HDAC9: variants seen among roughly 807,000 people sequenced by gnomAD.
HDAC9 encodes the protein histone deacetylase 9.
In HDAC9, 41 loss-of-function variants were observed where a neutral mutation model predicts 139.4. That is an observed-to-expected ratio of 0.29 (90% confidence interval 0.23 to 0.38). HDAC9 has a LOEUF of 0.38. Among genes scored for constraint, HDAC9 ranks in the 10% least tolerant of loss-of-function variants. The pLI, the probability that HDAC9 is intolerant of heterozygous loss-of-function variation, is 1.00. For synonymous variants in HDAC9, 517 were observed against 476.2 expected, an observed-to-expected ratio of 1.09 and a Z score of -1.12; for missense variants, 1,147 against 1,297.0, an observed-to-expected ratio of 0.88 and a Z score of 1.78.
chr7:18,615,079 G>T (rs62448121), intron 6 of HDAC9, among the ~76,000 whole-genome samples: 133 of 152,268 alleles, frequency 8.7e-4, no homozygotes, highest in Non-Finnish European at 1.5e-3. Context: ...GTCTTATTGA[G>T]TTATGGTGGG....
chr7:18,568,707 G>T (rs561843488), intron 2 of HDAC9, among the ~76,000 whole-genome samples: 1 of 152,228 alleles, frequency 6.6e-6, no homozygotes, highest in African/African-American at 2.4e-5. Flanking sequence ...TTATAGCAGA[G>T]AGGTAGCTTG....
At chr7:18,813,690 C>G (rs953250351) in intron 17 of HDAC9, among the ~76,000 whole-genome samples, 2 of 152,170 alleles carry the variant, frequency 1.3e-5, no homozygotes, top group African/African-American at 4.8e-5. Context: ...ACCTTGTTTT[C>G]AACCTTCTTG....
chr7:18,152,245 T>G (rs1786834697), intron 1 of HDAC9, among the ~76,000 whole-genome samples: 1 of 152,148 alleles, frequency 6.6e-6, no homozygotes. Context: ...ATATTATCAC[T>G]CATCCCTAGT....
chr7:18,193,981 G>A (rs1790553120), intron 2 of HDAC9, among the ~76,000 whole-genome samples: 2 of 152,170 alleles, frequency 1.3e-5, no homozygotes, highest in South Asian at 4.1e-4. Flanking sequence ...ATTGTTTGAA[G>A]CAGTTACAGC....
intron 12 of HDAC9, among the ~76,000 whole-genome samples, chr7:18,725,620 A>C (rs993123963): frequency 6.6e-6 from 1 of 152,158 alleles, no homozygotes; most frequent in African/African-American, 2.4e-5. Flanking sequence ...GAGCTGAAGA[A>C]ATTATAGTAG....
intron 22 of HDAC9, among the ~76,000 whole-genome samples, chr7:18,887,194 A>G (rs948031317): frequency 3.3e-5 from 5 of 152,196 alleles, no homozygotes; most frequent in Admixed American, 6.5e-5. Context: ...GAGGTTTCCA[A>G]ATTAACAAGC....
intron 24 of HDAC9, among the ~76,000 whole-genome samples, chr7:18,975,034 GC>G (rs1784468177): frequency 6.6e-6 from 1 of 152,142 alleles, no homozygotes; most frequent in Non-Finnish European, 1.5e-5. Flanking sequence ...TTGATTTGGG[GC>G]TACTCATCAT....
At chr7:18,564,857 C>T (rs189137269) in intron 2 of HDAC9, among the ~76,000 whole-genome samples, 67 of 152,080 alleles carry the variant, frequency 4.4e-4, no homozygotes, top group Admixed American at 4.0e-3. Flanking sequence ...CCACTGTTTC[C>T]TCTACTTGCC....
At chr7:18,521,887 A>G (rs917448923) in intron 2 of HDAC9, among the ~76,000 whole-genome samples, 3 of 152,218 alleles carry the variant, frequency 2.0e-5, no homozygotes, top group African/African-American at 7.2e-5. Flanking sequence ...GTTTTACACG[A>G]GGTTTAGATT....
intron 1 of HDAC9, among the ~76,000 whole-genome samples, chr7:18,451,397 GTGTGTA>G (rs1323047571): frequency 6.1e-5 from 8 of 130,996 alleles, no homozygotes; most frequent in African/African-American, 2.3e-4. Flanking sequence ...GTGTGTGTGT[GTGTGTA>G]TATATGTGTG....
chr7:18,673,220 A>T (rs866549275), intron 12 of HDAC9, among the ~76,000 whole-genome samples: 2 of 152,026 alleles, frequency 1.3e-5, no homozygotes, highest in Non-Finnish European at 2.9e-5. Flanking sequence ...TTGAGGCTAC[A>T]TTGAGCTATG....
chr7:18,645,016 T>A (rs1786920467), intron 9 of HDAC9, among the ~76,000 whole-genome samples: 1 of 152,122 alleles, frequency 6.6e-6, no homozygotes, highest in Non-Finnish European at 1.5e-5. Flanking sequence ...AACTAACATT[T>A]GTATAATGGT....
chr7:18,522,830 G>A (rs376021715), intron 2 of HDAC9, among the ~76,000 whole-genome samples: 1 of 152,116 alleles, frequency 6.6e-6, no homozygotes, highest in South Asian at 2.1e-4. Context: ...CTCTTTGTAG[G>A]TGGTAAAAAT....
chr7:18,104,642 T>G (rs1244470987), intron 1 of HDAC9, among the ~76,000 whole-genome samples: 1 of 152,148 alleles, frequency 6.6e-6, no homozygotes. Context: ...TTGGAAATGA[T>G]CATCCCAGAG....
At chr7:18,876,810 C>A (rs1799352582) in intron 22 of HDAC9, among the ~76,000 whole-genome samples, 1 of 151,550 alleles carries the variant, frequency 6.6e-6, no homozygotes, top group Non-Finnish European at 1.5e-5. Flanking sequence ...TTAAGCAGTT[C>A]CCCTCCCTCA....
intron 11 of HDAC9, among the ~76,000 whole-genome samples, chr7:18,650,259 C>T (rs912230693): frequency 2.8e-4 from 42 of 151,920 alleles, no homozygotes; most frequent in Non-Finnish European, 1.2e-4. Flanking sequence ...GATTAGGGAT[C>T]GTATTTTTTT....
intron 21 of HDAC9, among the ~76,000 whole-genome samples, chr7:18,873,658 T>G (rs958540958): frequency 3.9e-5 from 6 of 152,284 alleles, no homozygotes; most frequent in African/African-American, 7.2e-5. Context: ...TAGTGTGCAG[T>G]TTCCCCATCT....
intron 2 of HDAC9, among the ~76,000 whole-genome samples, chr7:18,254,340 T>TA (rs1258010974): frequency 2.0e-5 from 3 of 152,232 alleles, no homozygotes; most frequent in Non-Finnish European, 4.4e-5. Context: ...TCACTTATCT[T>TA]CTCTAAGACT....
intron 17 of HDAC9, among the ~76,000 whole-genome samples, chr7:18,810,999 A>G (rs1794130196): frequency 6.6e-6 from 1 of 151,908 alleles, no homozygotes. Flanking sequence ...AATGCCTAGC[A>G]GAGAAAACAA....
Sources: gnomAD v4.1 joint callset for allele counts (sites outside exome capture counted in the v4.1 genomes callset) on GRCh38, gnomAD v4.1.1 for gene constraint, MANE v1.5 for transcripts, NCBI Gene and HGNC (gene_info 2026-07-23, HGNC 2026-07-21) for gene names.